Variants in FGF10 observed in about 807,000 individuals in gnomAD.
FGF10 encodes the protein fibroblast growth factor 10, also known as FGF-10.
Under a neutral mutation model 19.8 loss-of-function variants are expected in FGF10, and 2 were observed. That is an observed-to-expected ratio of 0.10 (90% confidence interval 0.04 to 0.32). The LOEUF (loss-of-function observed/expected upper bound fraction) is 0.32, where lower values mean the gene tolerates loss of function less well. Ranked by LOEUF, FGF10 falls within the 10% of genes least tolerant of loss-of-function variation. FGF10 has a pLI of 1.00. For missense variants in FGF10, 191 were observed against 246.3 expected, an observed-to-expected ratio of 0.78 and a Z score of 1.50; for synonymous variants, 112 against 94.0, an observed-to-expected ratio of 1.19 and a Z score of -1.10.
chr5:44,388,513 AAGG>A lies in FGF10; in HGVS notation c.167_169del (p.Ser56del). The A allele has an allele frequency of 6.2e-7, 1 of 1,613,944 alleles. No homozygotes were observed. Among genetic ancestry groups the A allele is most frequent in the Non-Finnish European group, 8.5e-7 (1 of 1,179,976 alleles). ...CCTTCCCGCGCTGGAAGGAGAGGAG[AAGG>A]AGGAGGAAGAAGAGTTGGTGGCCTC... On this transcript the variant is annotated inframe_deletion, in exon 1 of 3. Coordinates refer to ENST00000264664, the MANE Select transcript of FGF10 (RefSeq NM_004465.2).
chr5:44,385,362 G>A (rs567175669), intron 1 of FGF10, among the ~76,000 whole-genome samples: 1 of 152,246 alleles, frequency 6.6e-6, no homozygotes, highest in South Asian at 2.1e-4. Flanking sequence ...AGCTTTGAAA[G>A]TAGAAGTTAA....
At chr5:44,353,048 G>A (rs1383868237) in intron 1 of FGF10, among the ~76,000 whole-genome samples, 1 of 151,558 alleles carries the variant, frequency 6.6e-6, no homozygotes, top group Admixed American at 6.6e-5. Flanking sequence ...AAACCAAATA[G>A]TCTCTGTGTT....
chr5:44,348,564 C>T (rs1194619145), intron 1 of FGF10, among the ~76,000 whole-genome samples: 1 of 151,504 alleles, frequency 6.6e-6, no homozygotes, highest in Non-Finnish European at 1.5e-5. Flanking sequence ...TAAGGTGGAA[C>T]TTCCAGCCTT....
At chr5:44,360,468 AG>A (rs1327182338) in intron 1 of FGF10, among the ~76,000 whole-genome samples, 2 of 151,560 alleles carry the variant, frequency 1.3e-5, no homozygotes, top group African/African-American at 4.8e-5. Context: ...TGAACAGAAC[AG>A]CAACATTTGT....
intron 1 of FGF10, among the ~76,000 whole-genome samples, chr5:44,349,624 T>C (rs1741191143): frequency 6.7e-6 from 1 of 149,176 alleles, no homozygotes; most frequent in African/African-American, 2.4e-5. Flanking sequence ...GTTTGACTCA[T>C]ACTTCATTTT....
intron 2 of FGF10, among the ~76,000 whole-genome samples, chr5:44,307,946 C>G (rs1357698583): frequency 1.3e-5 from 2 of 152,214 alleles, no homozygotes; most frequent in African/African-American, 2.4e-5. Context: ...GGCTGAGCTT[C>G]TACCAGAGGT....
chr5:44,341,001 G>C (rs1255744090), intron 1 of FGF10, among the ~76,000 whole-genome samples: 2 of 151,870 alleles, frequency 1.3e-5, no homozygotes, highest in East Asian at 1.9e-4. Flanking sequence ...ATGATGACTT[G>C]AAATATACTT....
intron 1 of FGF10, among the ~76,000 whole-genome samples, chr5:44,351,695 A>G (rs1041111406): frequency 5.3e-5 from 8 of 151,568 alleles, no homozygotes; most frequent in African/African-American, 7.3e-5. Context: ...CTATACTAAC[A>G]TTTCTATTAA....
At chr5:44,357,673 C>A (rs1399496971) in intron 1 of FGF10, among the ~76,000 whole-genome samples, 9 of 151,382 alleles carry the variant, frequency 5.9e-5, no homozygotes, top group Admixed American at 5.9e-4. Flanking sequence ...TTGCTCTTAA[C>A]CATTATGCTA....
chr5:44,349,326 C>T (rs1579923591), intron 1 of FGF10, among the ~76,000 whole-genome samples: 2 of 146,204 alleles, frequency 1.4e-5, no homozygotes, highest in South Asian at 4.6e-4. Flanking sequence ...ATTTAGCTAT[C>T]TTTTTTTTAC....
chr5:44,383,440 A>C (rs1255131735), intron 1 of FGF10, among the ~76,000 whole-genome samples: 2 of 152,028 alleles, frequency 1.3e-5, no homozygotes, highest in Non-Finnish European at 2.9e-5. Context: ...TTTGAAAACA[A>C]CTGCTTTTAA....
chr5:44,312,273 T>TA (rs1377220004), intron 1 of FGF10, among the ~76,000 whole-genome samples: 1 of 151,990 alleles, frequency 6.6e-6, no homozygotes, highest in Non-Finnish European at 1.5e-5. Flanking sequence ...AATAGCCCTC[T>TA]AAGGATACTG....
intron 1 of FGF10, among the ~76,000 whole-genome samples, chr5:44,321,003 G>GA (rs113892775): frequency 5.9e-4 from 81 of 138,386 alleles, no homozygotes; most frequent in African/African-American, 8.4e-4. Flanking sequence ...TTTTTCAAAA[G>GA]AAAAAAAAAA....
chr5:44,377,781 C>A lies in FGF10; in HGVS notation c.325+10577G>T, dbSNP rs188849382. On this transcript the variant is annotated intron_variant, in intron 1 of 2. Transcript: ENST00000264664. ...ATAATGTGATATCTTGGGGATGGGA[C>A]CCAAGTCTAAACACAAAACTAATTT... 4.6e-5 allele frequency among the ~76,000 whole-genome samples: 7 copies of A among 152,174 alleles called. No individual in the cohort carries two copies. In the East Asian group the frequency reaches 1.4e-3, roughly 29 times the overall value.
In FGF10 at chr5:44,304,900, T is replaced by A; in HGVS notation, c.*95A>T. 1 of 1,266,748 alleles carries A rather than the reference T, an allele frequency of 7.9e-7. No individual in the cohort carries two copies. The highest frequency in any genetic ancestry group is 1.2e-6 in the Non-Finnish European group (1 of 865,694). The allele number at this position is 1,266,748 out of a possible 1,614,324, so 78.5% of individuals were successfully genotyped here. On this transcript the variant is annotated 3_prime_UTR_variant, in exon 3 of 3. Coordinates refer to ENST00000264664, the MANE Select transcript of FGF10 (RefSeq NM_004465.2). ...TAAGCAAGCAGACATCTGCAACGTG[T>A]CTTTGCCTTTCAATCTACTGTCTTC...
At chr5:44,378,115 C>G (rs1741907077) in intron 1 of FGF10, among the ~76,000 whole-genome samples, 1 of 152,230 alleles carries the variant, frequency 6.6e-6, no homozygotes, top group Admixed American at 6.5e-5. Context: ...AGTAGCATCA[C>G]CAGAATACCT....
chr5:44,376,518 C>CAAAAAAAAAAAAA (rs1265124775), intron 1 of FGF10, among the ~76,000 whole-genome samples: 1 of 72,694 alleles, frequency 1.4e-5, no homozygotes, highest in Admixed American at 1.8e-4. Flanking sequence ...AAAAAAAAAA[C>CAAAAAAAAAAAAA]AAAAAACCCA....
intron 1 of FGF10, among the ~76,000 whole-genome samples, chr5:44,321,975 C>T (rs1202255498): frequency 1.3e-5 from 2 of 152,140 alleles, no homozygotes; most frequent in Non-Finnish European, 2.9e-5. Context: ...GTTGGCCAGG[C>T]TGGCATTGAA....
intron 1 of FGF10, among the ~76,000 whole-genome samples, chr5:44,343,077 C>G (rs569453660): frequency 1.0e-3 from 157 of 151,992 alleles, no homozygotes; most frequent in African/African-American, 3.6e-3. Flanking sequence ...ATAAAAATAA[C>G]TCGTCTAGAG....
Sources: allele counts gnomAD v4.1 joint callset (sites outside exome capture counted in the v4.1 genomes callset), GRCh38; gene constraint gnomAD v4.1.1; transcripts MANE v1.5; gene names NCBI Gene and HGNC (gene_info 2026-07-23, HGNC 2026-07-21).